FNBP4: variants seen among roughly 807,000 people sequenced by gnomAD.
The protein encoded by FNBP4 is formin-binding protein 4.
A neutral mutation model predicts 119.3 loss-of-function variants in FNBP4; 34 were observed. The observed-to-expected ratio is 0.28, with a 90% CI of 0.22 to 0.38. The LOEUF is 0.38. Ranked by LOEUF, FNBP4 falls within the 10% of genes least tolerant of loss-of-function variation. FNBP4 has a pLI of 1.00. For synonymous variants in FNBP4, 462 were observed against 430.6 expected, an observed-to-expected ratio of 1.07 and a Z score of -0.90; for missense variants, 1,112 against 1,228.9, an observed-to-expected ratio of 0.90 and a Z score of 1.42.
At chr11:47,746,531 T>C (rs1300985494) in intron 6 of FNBP4, 137 bp from the exon 7 acceptor site, 11 of 757,394 alleles carry the variant, frequency 1.5e-5, no homozygotes, top group Middle Eastern at 7.5e-4. Flanking sequence ...TTTTTTTTTT[T>C]TGAGATGGAG....
chr11:47,762,573 C>T (rs2097637904), intron 2 of FNBP4, among the ~76,000 whole-genome samples: 1 of 152,078 alleles, frequency 6.6e-6, no homozygotes, highest in African/African-American at 2.4e-5. Flanking sequence ...GCTAGGCCCA[C>T]AGGTGCTCAT....
At chr11:47,731,926 C>G in intron 11 of FNBP4, 1 of 1,005,290 alleles carries the variant, frequency 9.9e-7, no homozygotes, top group South Asian at 4.6e-5. Context: ...AAGAGAACAA[C>G]GAAGTTTGTG....
At chr11:47,745,551 GTTGT>G (rs1441795254) in intron 7 of FNBP4, among the ~76,000 whole-genome samples, 1 of 152,122 alleles carries the variant, frequency 6.6e-6, no homozygotes, top group Non-Finnish European at 1.5e-5. Context: ...CCTGTTTTCT[GTTGT>G]TTAAGATGTT....
rs1481012476 is a variant in FNBP4, at chr11:47,731,522, G to A, written c.1860C>T (p.Gly620=). 1.9e-6 allele frequency: 3 copies of A among 1,612,410 alleles called. No homozygotes were observed. In the South Asian group the frequency reaches 3.3e-5, roughly 18 times the overall value. The change falls in exon 12 of 17, where the codon GGC becomes GGT. Residue 620 remains glycine (G), a synonymous_variant. Coordinates refer to ENST00000263773, the MANE Select transcript of FNBP4 (RefSeq NM_015308.5). The part of the protein sequence containing the change: ...RRYFYVNEQS[G]ESQWEFPDGE... ...CATCTGGAAACTCCCACTGAGACTC[G>A]CCCGACTGTTCGTTTACATAGAAAT...
chr11:47,718,898 C>T (rs2097552291), intron 16 of FNBP4, among the ~76,000 whole-genome samples: 1 of 148,880 alleles, frequency 6.7e-6, no homozygotes, highest in South Asian at 2.1e-4. Flanking sequence ...CAGTGCCCAC[C>T]CAACATGTTT....
chr11:47,721,959 A>G (rs2097556096), intron 15 of FNBP4, among the ~76,000 whole-genome samples: 1 of 146,162 alleles, frequency 6.8e-6, no homozygotes, highest in East Asian at 2.0e-4. Flanking sequence ...AAAGACCAAC[A>G]AAGCAAACTG....
intron 2 of FNBP4, among the ~76,000 whole-genome samples, chr11:47,756,207 T>C (rs563561193): frequency 1.3e-5 from 2 of 152,274 alleles, no homozygotes; most frequent in Admixed American, 6.5e-5. Flanking sequence ...GGATCATCTG[T>C]GGCTACTCCA....
intron 2 of FNBP4, among the ~76,000 whole-genome samples, chr11:47,762,316 A>G (rs2097637218): frequency 6.6e-6 from 1 of 151,648 alleles, no homozygotes; most frequent in African/African-American, 2.4e-5. Context: ...TTTAGTAGCG[A>G]TGGGGTTTCA....
intron 2 of FNBP4, among the ~76,000 whole-genome samples, chr11:47,761,775 C>T (rs961644948): frequency 8.6e-5 from 13 of 151,910 alleles, no homozygotes; most frequent in African/African-American, 3.1e-4. Context: ...TTATTAAAAA[C>T]AACAACAAAG....
chr11:47,758,694 T>C (rs1211347792), intron 2 of FNBP4, among the ~76,000 whole-genome samples: 1 of 151,696 alleles, frequency 6.6e-6, no homozygotes, highest in African/African-American at 2.4e-5. Flanking sequence ...ATCCCACCTC[T>C]ACTAAAAACA....
chr11:47,739,760 G>A (rs778332758), intron 8 of FNBP4, among the ~76,000 whole-genome samples: 27 of 152,094 alleles, frequency 1.8e-4, no homozygotes, highest in Non-Finnish European at 3.4e-4. Flanking sequence ...TATTCGGCCT[G>A]GATGACAGAG....
chr11:47,753,243 G>C, intron 3 of FNBP4, 141 bp from the exon 4 acceptor site: 2 of 570,012 alleles, frequency 3.5e-6, no homozygotes, highest in Non-Finnish European at 6.0e-6. Context: ...GGGAGGCTGA[G>C]ACAGGTGGAT....
intron 15 of FNBP4, among the ~76,000 whole-genome samples, chr11:47,722,602 T>C (rs2097557097): frequency 6.6e-6 from 1 of 151,764 alleles, no homozygotes. Flanking sequence ...TTCTTTTTTC[T>C]TTTTTTGAGA....
Position 47,732,450 on chromosome 11 carries a change from A to G in FNBP4, c.1820+87T>C, listed in dbSNP as rs990522809. 44 of 1,584,988 alleles carry G rather than the reference A, an allele frequency of 2.8e-5. No individual in the cohort carries two copies. Among genetic ancestry groups the G allele is most frequent in the Non-Finnish European group, 3.5e-5 (41 of 1,162,954 alleles). ...CTGCAGCTGCTCTCAGTCTCCAGACAGGCTGTCATGTCGTCAGATGGTGGT... is the reference window on the plus strand; with the variant it reads ...CTGCAGCTGCTCTCAGTCTCCAGACGGGCTGTCATGTCGTCAGATGGTGGT... On this transcript the variant is annotated intron_variant, in intron 11 of 16. Coordinates refer to ENST00000263773, the MANE Select transcript of FNBP4 (RefSeq NM_015308.5). The surrounding 1 kb of genome is among the most constrained non-coding windows in gnomAD (Gnocchi z 4.2).
chr11:47,723,398 G>C (rs2097557899), intron 14 of FNBP4, 82 bp from the exon 15 acceptor site: 2 of 1,507,918 alleles, frequency 1.3e-6, no homozygotes, highest in African/African-American at 1.4e-5. Flanking sequence ...GTGGGGATTA[G>C]ATCACATAGA....
intron 11 of FNBP4, chr11:47,731,883 C>T (rs2097567856): frequency 1.9e-6 from 2 of 1,038,738 alleles, no homozygotes; most frequent in Non-Finnish European, 2.3e-6. Context: ...TGAAGGGACT[C>T]AATCGCCTAG....
intron 7 of FNBP4, 46 bp from the exon 8 acceptor site, chr11:47,744,209 A>T (rs1359203634): frequency 7.1e-7 from 1 of 1,416,178 alleles, no homozygotes. Context: ...ACTGCTTATT[A>T]ATATGTATAA....
intron 12 of FNBP4, chr11:47,725,856 GAGTA>G: frequency 1.1e-6 from 1 of 876,878 alleles, no homozygotes; most frequent in Non-Finnish European, 1.4e-6. Flanking sequence ...TAGAATTTAG[GAGTA>G]GAAGAGACAT....
At chr11:47,743,842 A>C in intron 8 of FNBP4, 111 bp downstream of exon 8, 1 of 954,822 alleles carries the variant, frequency 1.0e-6, no homozygotes, top group Non-Finnish European at 1.6e-6. Flanking sequence ...ACTTCTCCCA[A>C]AGAGTAAAAG....
Sources: gnomAD v4.1 joint callset for allele counts (sites outside exome capture counted in the v4.1 genomes callset) on GRCh38, gnomAD v4.1.1 for gene constraint, Gnocchi (gnomAD v3.1) non-coding constraint, MANE v1.5 for transcripts, NCBI Gene and HGNC (gene_info 2026-07-23, HGNC 2026-07-21) for gene names.